Variants in ZEB1 observed in about 807,000 individuals in gnomAD.
ZEB1 encodes zinc finger E-box binding homeobox 1, also known as zinc finger E-box-binding homeobox 1.
Under a neutral mutation model 84.9 loss-of-function variants are expected in ZEB1, and 21 were observed. The ratio of observed to expected loss-of-function variants is 0.25; its 90% confidence interval spans 0.18 to 0.36. ZEB1 has a LOEUF of 0.36. Among genes scored for constraint, ZEB1 ranks in the 10% least tolerant of loss-of-function variants. The probability of loss-of-function intolerance (pLI) is 1.00; values close to 1 mark genes in which losing one functional copy is unlikely to be tolerated. For synonymous variants in ZEB1, 420 were observed against 471.1 expected (o/e 0.89, Z 1.41); for missense variants, 1,104 against 1,330.2 (o/e 0.83, Z 2.65).
intron 2 of ZEB1, among the ~76,000 whole-genome samples, chr10:31,473,975 A>G (rs572404596): frequency 6.6e-6 from 1 of 152,330 alleles, no homozygotes; most frequent in Non-Finnish European, 1.5e-5. Context: ...TTCCCTATTT[A>G]ATAAATGGTT....
intron 4 of ZEB1, among the ~76,000 whole-genome samples, chr10:31,504,587 C>T (rs778177467): frequency 1.3e-5 from 2 of 152,108 alleles, no homozygotes; most frequent in Non-Finnish European, 2.9e-5. Flanking sequence ...GATCCATGAG[C>T]ATGGGATGTC....
intron 3 of ZEB1, among the ~76,000 whole-genome samples, chr10:31,497,082 T>C (rs1252852274): frequency 6.6e-6 from 1 of 152,124 alleles, no homozygotes; most frequent in East Asian, 1.9e-4. Context: ...TGTTATCAAA[T>C]ATTTGCCATG....
intron 2 of ZEB1, among the ~76,000 whole-genome samples, chr10:31,495,329 A>C (rs1429538359): frequency 6.6e-6 from 1 of 152,064 alleles, no homozygotes; most frequent in African/African-American, 2.4e-5. Flanking sequence ...CTTTTCCCAA[A>C]ATAGTACTAA....
chr10:31,368,027 T>C (rs2044885409), intron 1 of ZEB1, among the ~76,000 whole-genome samples: 1 of 152,116 alleles, frequency 6.6e-6, no homozygotes, highest in South Asian at 2.1e-4. Context: ...TATGGATGTG[T>C]GTCTATATGT....
chr10:31,504,200 T>C (rs1161759316), intron 4 of ZEB1, among the ~76,000 whole-genome samples: 1 of 152,090 alleles, frequency 6.6e-6, no homozygotes, highest in Non-Finnish European at 1.5e-5. Flanking sequence ...CCCAGCACCA[T>C]TTATTGGAGA....
At chr10:31,363,442 T>C in intron 1 of ZEB1, 2 of 1,534,108 alleles carry the variant, frequency 1.3e-6, no homozygotes, top group Non-Finnish European at 1.7e-6. Flanking sequence ...GGGCCTGGGA[T>C]TGTACCAGGA....
intron 1 of ZEB1, chr10:31,363,337 C>T: frequency 2.0e-6 from 3 of 1,534,016 alleles, no homozygotes; most frequent in Non-Finnish European, 2.6e-6. Flanking sequence ...ACTGGCGACT[C>T]CATGGCCCTT....
At position 31,527,266 on chromosome 10, in the gene ZEB1, C is replaced by T. The variant is rs1293102186; in HGVS notation, c.*2C>T. ...GAAGAAAAGACAAATGAAGCCTAATCGTTTTTCTAGAAGGAAAATAAATTC... is the reference window on the plus strand; with the variant it reads ...GAAGAAAAGACAAATGAAGCCTAATTGTTTTTCTAGAAGGAAAATAAATTC... On this transcript the variant is annotated 3_prime_UTR_variant, in exon 9 of 9. Transcript: ENST00000424869. 3 of 1,599,816 alleles carry T rather than the reference C, an allele frequency of 1.9e-6. No individual in the cohort carries two copies. Among genetic ancestry groups the T allele is most frequent in the Admixed American group, 1.7e-5 (1 of 59,636 alleles).
intron 1 of ZEB1, among the ~76,000 whole-genome samples, chr10:31,431,469 C>T (rs993235407): frequency 1.3e-5 from 2 of 152,056 alleles, no homozygotes; most frequent in Admixed American, 6.6e-5. Context: ...TTTTACATCC[C>T]AGAGTATGTT....
chr10:31,446,760 G>C (rs1299106201), intron 1 of ZEB1, among the ~76,000 whole-genome samples: 1 of 151,188 alleles, frequency 6.6e-6, no homozygotes, highest in African/African-American at 2.4e-5. Context: ...TAGTTTGATT[G>C]CACTGTGGTC....
chr10:31,527,426 CA>C lies in ZEB1; in HGVS notation c.*163del. ...ACAAAATACAAAACACACACACACA[CA>C]CACACACACACACACACACACACAC... On this transcript the variant is annotated 3_prime_UTR_variant, in exon 9 of 9. Coordinates refer to ENST00000424869, the MANE Select transcript of ZEB1 (RefSeq NM_001174096.2). 2 of 699,942 alleles carry C rather than the reference CA, an allele frequency of 2.9e-6. No individual in the cohort carries two copies. Among genetic ancestry groups the C allele is most frequent in the Non-Finnish European group, 4.6e-6 (2 of 436,806 alleles). 43.4% of individuals were successfully genotyped at this position (699,942 alleles called of 1,614,324 possible).
At chr10:31,373,016 AGTTT>A in intron 1 of ZEB1, 1 of 985,294 alleles carries the variant, frequency 1.0e-6, no homozygotes, top group Non-Finnish European at 1.2e-6. Flanking sequence ...TGGGTAATTT[AGTTT>A]TCAGTTTAAA....
intron 1 of ZEB1, chr10:31,373,305 T>A (rs933433624): frequency 1.7e-5 from 14 of 828,356 alleles, no homozygotes; most frequent in Non-Finnish European, 2.0e-5. Flanking sequence ...ATTTTATATG[T>A]CTGTCACTTA....
At chr10:31,411,399 A>C (rs1326642311) in intron 1 of ZEB1, among the ~76,000 whole-genome samples, 2 of 152,198 alleles carry the variant, frequency 1.3e-5, no homozygotes, top group Non-Finnish European at 2.9e-5. Flanking sequence ...TGGGAGGCCG[A>C]GGCGAGTGGA....
Position 31,479,388 on chromosome 10 carries a change from C to T in ZEB1, c.260-16388C>T, listed in dbSNP as rs547043815. ...CTAGAAATTTGAAGATAAAGGAATA[C>T]TGCCAAAGTCATTCTGTAAGACCAG... On this transcript the variant is annotated intron_variant, in intron 2 of 8. Coordinates refer to ENST00000424869, the MANE Select transcript of ZEB1 (RefSeq NM_001174096.2). 5.3e-5 allele frequency among the ~76,000 whole-genome samples: 8 copies of T among 151,952 alleles called. 1 individual carries two copies. The South Asian group carries it at 1.7e-3, about 31-fold the overall frequency.
At chr10:31,418,374 T>G (rs2055571519) in intron 1 of ZEB1, among the ~76,000 whole-genome samples, 1 of 151,916 alleles carries the variant, frequency 6.6e-6, no homozygotes, top group African/African-American at 2.4e-5. Context: ...GTAGATTTGT[T>G]TGGACGGAGT....
At chr10:31,384,643 G>T (rs1220040435) in intron 1 of ZEB1, among the ~76,000 whole-genome samples, 6 of 152,188 alleles carry the variant, frequency 3.9e-5, no homozygotes, top group Non-Finnish European at 8.8e-5. Context: ...TGAGATGTTA[G>T]TATGGCTTAG....
chr10:31,389,478 C>T (rs1241406110), intron 1 of ZEB1: 1 of 152,056 alleles, frequency 6.6e-6, no homozygotes, highest in African/African-American at 2.4e-5. Context: ...GTGTTCCTAG[C>T]CAGTTCATGC....
At chr10:31,364,279 C>T (rs1208949859) in intron 1 of ZEB1, among the ~76,000 whole-genome samples, 1 of 152,186 alleles carries the variant, frequency 6.6e-6, no homozygotes, top group Admixed American at 6.5e-5. Flanking sequence ...TCCAGCTGGA[C>T]TCTAGCCTCA....
Sources: gnomAD v4.1 joint callset for allele counts (sites outside exome capture counted in the v4.1 genomes callset) on GRCh38, gnomAD v4.1.1 for gene constraint, MANE v1.5 for transcripts, NCBI Gene and HGNC (gene_info 2026-07-23, HGNC 2026-07-21) for gene names.